Variants in CBLN2 observed in about 807,000 individuals in gnomAD.
The protein encoded by CBLN2 is cerebellin 2 precursor.
In CBLN2, 7 loss-of-function variants were observed where a neutral mutation model predicts 15.0. The observed-to-expected ratio is 0.47, with a 90% confidence interval of 0.27 to 0.88. CBLN2 has a LOEUF of 0.88. Among genes scored for constraint, CBLN2 ranks in the 40% least tolerant of loss-of-function variants. The probability of loss-of-function intolerance (pLI) is 0.14; values close to 1 mark genes in which losing one functional copy is unlikely to be tolerated. For missense variants in CBLN2, 242 were observed against 304.5 expected, an observed-to-expected ratio of 0.79 and a Z score of 1.53; for synonymous variants, 149 against 135.2, an observed-to-expected ratio of 1.10 and a Z score of -0.71.
chr18:72,608,385 C>T, intron 1 of CBLN2, among the ~76,000 whole-genome samples: 1 of 152,178 alleles, frequency 6.6e-6, no homozygotes, highest in East Asian at 1.9e-4. Flanking sequence ...CAGTGTCTCA[C>T]ATCGTTGGCT....
chr18:72,541,544 G>A (rs989046326), intron 3 of CBLN2, among the ~76,000 whole-genome samples: 2 of 152,206 alleles, frequency 1.3e-5, no homozygotes, highest in African/African-American at 2.4e-5. Flanking sequence ...CTCTTAGAAA[G>A]CTTAGACAGC....
At chr18:72,581,148 C>G (rs1346250847) in intron 1 of CBLN2, among the ~76,000 whole-genome samples, 2 of 152,216 alleles carry the variant, frequency 1.3e-5, no homozygotes, top group Admixed American at 1.3e-4. Context: ...CCTCAGATAT[C>G]TCTCCTCTAT....
At chr18:72,599,396 T>C (rs662439) in intron 1 of CBLN2, among the ~76,000 whole-genome samples, 51,060 of 152,010 alleles carry the variant, frequency 0.34, 10,165 homozygotes, top group African/African-American at 0.54. Context: ...TTGTCCATGA[T>C]TTTACTAATG....
intron 1 of CBLN2, among the ~76,000 whole-genome samples, chr18:72,565,825 A>G (rs1355006611): frequency 6.6e-6 from 1 of 152,178 alleles, no homozygotes; most frequent in Admixed American, 6.5e-5. Context: ...ATTTACATTG[A>G]ACTCAAAAGC....
chr18:72,577,105 A>G (rs2567947), intron 1 of CBLN2, among the ~76,000 whole-genome samples: 24,897 of 148,962 alleles, frequency 0.17, 2,292 homozygotes, highest in Admixed American at 0.28. Flanking sequence ...AATTATATGT[A>G]CAAAGAATGT....
intron 1 of CBLN2, among the ~76,000 whole-genome samples, chr18:72,562,472 G>T (rs1171933690): frequency 6.6e-6 from 1 of 152,130 alleles, no homozygotes; most frequent in Non-Finnish European, 1.5e-5. Flanking sequence ...TGGTCCAAAT[G>T]ACCCATTTAA....
chr18:72,636,598 C>T (rs547192134), intron 1 of CBLN2, among the ~76,000 whole-genome samples: 1 of 152,258 alleles, frequency 6.6e-6, no homozygotes, highest in Non-Finnish European at 1.5e-5. Context: ...TCCCGTTCCC[C>T]GTGGTACATG....
intron 1 of CBLN2, among the ~76,000 whole-genome samples, chr18:72,560,758 C>A (rs1011764183): frequency 6.6e-6 from 1 of 152,182 alleles, no homozygotes; most frequent in Non-Finnish European, 1.5e-5. Context: ...CCTGTAATCC[C>A]AGCACTTTGG....
At chr18:72,638,300 T>C (rs1480313202) in intron 1 of CBLN2, 2 of 398,468 alleles carry the variant, frequency 5.0e-6, no homozygotes, top group African/African-American at 2.1e-5. Flanking sequence ...TCACGTTCTG[T>C]CTAGCCTAAA....
chr18:72,545,657 C>T (rs185061281), upstream of CBLN2, among the ~76,000 whole-genome samples: 52 of 152,198 alleles, frequency 3.4e-4, no homozygotes, highest in Non-Finnish European at 1.2e-4. Context: ...TCCATCATTC[C>T]ACCATAGAGA....
At chr18:72,581,548 G>A (rs2069405031) in intron 1 of CBLN2, among the ~76,000 whole-genome samples, 2 of 152,098 alleles carry the variant, frequency 1.3e-5, no homozygotes, top group East Asian at 1.9e-4. Context: ...TCTTGTATAT[G>A]TTAACTTACA....
rs150768910 is a variant in CBLN2 at position 72,555,360 on chromosome 18, A to T, written c.16-16588T>A. On this transcript the variant is annotated intron_variant, in intron 1 of 2. Coordinates refer to the CBLN2 transcript ENST00000581073. ...AAGGTATTCAGTTTAAAGAAACTAG[A>T]TAGTTTTTGAGGGGGAGGGAGAATT... is the stretch of plus-strand genomic sequence containing the variant. 3.8e-3 allele frequency among the ~76,000 whole-genome samples: 573 copies of T among 152,118 alleles called. 2 individuals carry two copies. The highest frequency in any genetic ancestry group is 0.013 in the African/African-American group (556 of 41,494).
At chr18:72,568,358 C>A (rs1242328586) in intron 1 of CBLN2, among the ~76,000 whole-genome samples, 1 of 152,140 alleles carries the variant, frequency 6.6e-6, no homozygotes, top group African/African-American at 2.4e-5. Context: ...AGCCGAGAAG[C>A]ATCATCAGCC....
At chr18:72,568,573 TA>T (rs1469844242) in intron 1 of CBLN2, among the ~76,000 whole-genome samples, 2 of 151,728 alleles carry the variant, frequency 1.3e-5, no homozygotes, top group Non-Finnish European at 1.5e-5. Flanking sequence ...AAAACTAAAA[TA>T]AAAAATAAAA....
chr18:72,617,598 C>A (rs1568133299), intron 1 of CBLN2, among the ~76,000 whole-genome samples: 1 of 152,066 alleles, frequency 6.6e-6, no homozygotes. Flanking sequence ...GACATTTTGC[C>A]TCGCATGTTT....
intron 3 of CBLN2, chr18:72,539,421 T>C (rs927789135): frequency 6.6e-6 from 1 of 152,272 alleles, no homozygotes; most frequent in Non-Finnish European, 1.5e-5. Context: ...GAAAGACCTT[T>C]GTAGAAAAAC....
chr18:72,565,026 T>C (rs1290106846), intron 1 of CBLN2, among the ~76,000 whole-genome samples: 2 of 152,154 alleles, frequency 1.3e-5, no homozygotes, highest in East Asian at 3.9e-4. Context: ...CGGCCAAGAA[T>C]AGCACTCAGC....
intron 1 of CBLN2, among the ~76,000 whole-genome samples, chr18:72,553,835 C>T (rs1200284105): frequency 6.6e-6 from 1 of 152,174 alleles, no homozygotes; most frequent in Non-Finnish European, 1.5e-5. Flanking sequence ...ACTATTAACT[C>T]TGATTGATGT....
chr18:72,565,278 A>C (rs1380696728), intron 1 of CBLN2, among the ~76,000 whole-genome samples: 1 of 152,186 alleles, frequency 6.6e-6, no homozygotes, highest in Non-Finnish European at 1.5e-5. Flanking sequence ...TATTACCATT[A>C]CATTATGGTA....
Sources: allele counts gnomAD v4.1 joint callset (sites outside exome capture counted in the v4.1 genomes callset), GRCh38; gene constraint gnomAD v4.1.1; transcripts MANE v1.5; gene names NCBI Gene and HGNC (gene_info 2026-07-23, HGNC 2026-07-21).